The following PDE10A variants were observed in gnomAD, a reference collection of about 807,000 sequenced individuals.
PDE10A encodes the protein phosphodiesterase 10A.
A neutral mutation model predicts 97.7 loss-of-function variants in PDE10A; 39 were observed. The observed-to-expected ratio is 0.40, with a 90% CI of 0.31 to 0.52. The LOEUF (loss-of-function observed/expected upper bound fraction) is 0.52. PDE10A is among the 20% of genes least tolerant of loss of function. The probability of loss-of-function intolerance (pLI) is 0.56; values close to 1 mark genes in which losing one functional copy is unlikely to be tolerated. For missense variants in PDE10A, 731 were observed against 1,047.8 expected, an observed-to-expected ratio of 0.70 and a Z score of 4.17; for synonymous variants, 371 against 376.8, an observed-to-expected ratio of 0.98 and a Z score of 0.18.
At chr6:165,549,379 C>T (rs917423038) in intron 1 of PDE10A, among the ~76,000 whole-genome samples, 2 of 152,160 alleles carry the variant, frequency 1.3e-5, no homozygotes, top group Non-Finnish European at 2.9e-5. Context: ...GGCTGGAGTG[C>T]AGTGGCGTGA....
chr6:165,357,737 A>G (rs1296875919), intron 18 of PDE10A, among the ~76,000 whole-genome samples: 2 of 119,312 alleles, frequency 1.7e-5, no homozygotes, highest in African/African-American at 7.8e-5. Context: ...ATTGGTGTTA[A>G]TATTTTCTTT....
chr6:165,355,574 ATG>A (rs1158963416), intron 18 of PDE10A, among the ~76,000 whole-genome samples: 1 of 152,184 alleles, frequency 6.6e-6, no homozygotes, highest in Non-Finnish European at 1.5e-5. Context: ...CATTGTTTAA[ATG>A]TCCAAAGTTG....
intron 1 of PDE10A, among the ~76,000 whole-genome samples, chr6:165,574,007 G>A (rs1785181771): frequency 6.6e-6 from 1 of 152,232 alleles, no homozygotes. Flanking sequence ...CTGGAGGAAG[G>A]AAGGTGTTTG....
chr6:165,461,223 T>C (rs1778308328), intron 3 of PDE10A, among the ~76,000 whole-genome samples: 1 of 152,222 alleles, frequency 6.6e-6, no homozygotes, highest in Non-Finnish European at 1.5e-5. Flanking sequence ...AGGACTGCCT[T>C]CTCCTGCTAC....
chr6:165,698,328 T>C (rs7760328), intron 1 of PDE10A, among the ~76,000 whole-genome samples: 89,366 of 151,854 alleles, frequency 0.59, 26,551 homozygotes, highest in South Asian at 0.72. Flanking sequence ...TAATCCTTTT[T>C]CTAGTTATAA....
intron 1 of PDE10A, among the ~76,000 whole-genome samples, chr6:165,891,939 A>T (rs1428951826): frequency 8.7e-6 from 1 of 115,284 alleles, no homozygotes; most frequent in Admixed American, 1.0e-4. Flanking sequence ...GTATGGAGAA[A>T]ACACCTTGGA....
intron 1 of PDE10A, among the ~76,000 whole-genome samples, chr6:165,875,745 TTTG>T (rs1168167934): frequency 9.9e-5 from 15 of 150,766 alleles, no homozygotes; most frequent in African/African-American, 3.7e-4. Context: ...TTTTTTTTTT[TTTG>T]TGTGTGTGTG....
rs1785326968 is a variant in PDE10A, at chr6:165,386,736, C to T, written c.2610+1562G>A. On this transcript the variant is annotated intron_variant, in intron 17 of 21. Coordinates refer to ENST00000539869, the MANE Select transcript of PDE10A (RefSeq NM_001385079.1). The stretch of plus-strand genomic sequence containing the variant: ...CTATGTATGCAGCCAGGCGCGGTGG[C>T]TCACGCCTGTAATCCCAGCACTTTG... 3.3e-5 allele frequency among the ~76,000 whole-genome samples: 5 copies of T among 151,934 alleles called. No individual in the cohort carries two copies. In the South Asian group the frequency reaches 1.0e-3, roughly 32 times the overall value.
At chr6:165,683,590 G>T (rs4235951) in intron 1 of PDE10A, among the ~76,000 whole-genome samples, 1 of 152,064 alleles carries the variant, frequency 6.6e-6, no homozygotes, top group African/African-American at 2.4e-5. Flanking sequence ...ATTAAGTGCC[G>T]TGTTTTATCA....
At chr6:165,731,994 T>C (rs1322357537) in intron 1 of PDE10A, among the ~76,000 whole-genome samples, 1 of 152,200 alleles carries the variant, frequency 6.6e-6, no homozygotes, top group Non-Finnish European at 1.5e-5. Context: ...CGTTCTTTTA[T>C]AAGAAAATTA....
At chr6:165,558,468 G>C (rs960719825) in intron 1 of PDE10A, among the ~76,000 whole-genome samples, 1 of 152,000 alleles carries the variant, frequency 6.6e-6, no homozygotes, top group African/African-American at 2.4e-5. Context: ...GTTGGGGGAC[G>C]GGGGAGGGAT....
At chr6:165,555,010 CAG>C (rs2128332812) in intron 1 of PDE10A, among the ~76,000 whole-genome samples, 1 of 152,038 alleles carries the variant, frequency 6.6e-6, no homozygotes, top group Admixed American at 6.5e-5. Context: ...GGATGATTAC[CAG>C]AGAGGCTAGG....
chr6:165,899,694 C>T (rs1370917864), intron 1 of PDE10A, among the ~76,000 whole-genome samples: 6 of 152,186 alleles, frequency 3.9e-5, no homozygotes, highest in African/African-American at 7.2e-5. Context: ...CCTTGGCACC[C>T]GTGACCCGAA....
At chr6:165,358,698 G>A (rs1338737960) in intron 18 of PDE10A, among the ~76,000 whole-genome samples, 1 of 151,614 alleles carries the variant, frequency 6.6e-6, no homozygotes, top group Admixed American at 6.6e-5. Flanking sequence ...GTTTTATTAG[G>A]TTCAAATGTA....
At position 165,348,431 on chromosome 6, in the gene PDE10A, G is replaced by A. The variant is rs181457948; in HGVS notation, c.2784-4929C>T. Among the ~76,000 whole-genome samples, 228 of 152,218 alleles carry A rather than the reference G, an allele frequency of 1.5e-3. 1 individual carries two copies. Among genetic ancestry groups the A allele is most frequent in the African/African-American group, 5.1e-3 (212 of 41,516 alleles). ...TACCTGGTTCTATTTAGCCATAATG[G>A]GACCATGCTTGCTAATTTCAACAAA... On this transcript the variant is annotated intron_variant, in intron 18 of 21. Coordinates refer to ENST00000539869, the MANE Select transcript of PDE10A (RefSeq NM_001385079.1).
At chr6:165,337,444 G>A (rs1266107788) in intron 20 of PDE10A, among the ~76,000 whole-genome samples, 2 of 152,146 alleles carry the variant, frequency 1.3e-5, no homozygotes, top group South Asian at 2.1e-4. Flanking sequence ...AAAGTCTATC[G>A]TCATAGCACT....
At chr6:165,454,044 T>C (rs1777793263) in intron 3 of PDE10A, among the ~76,000 whole-genome samples, 1 of 152,220 alleles carries the variant, frequency 6.6e-6, no homozygotes, top group South Asian at 2.1e-4. Context: ...TCAAAGAAGA[T>C]TATTCTCCAG....
intron 1 of PDE10A, among the ~76,000 whole-genome samples, chr6:165,830,311 C>A (rs568094910): frequency 3.9e-5 from 6 of 152,346 alleles, no homozygotes; most frequent in Non-Finnish European, 8.8e-5. Flanking sequence ...CTTTCCTTTG[C>A]GTGGGAGCTG....
chr6:165,956,534 A>G (rs1437626603), intron 1 of PDE10A, among the ~76,000 whole-genome samples: 1 of 152,238 alleles, frequency 6.6e-6, no homozygotes, highest in Non-Finnish European at 1.5e-5. Context: ...ATCCCATAAT[A>G]TTCACCTGCA....
Sources: allele counts gnomAD v4.1 joint callset (sites outside exome capture counted in the v4.1 genomes callset), GRCh38; gene constraint gnomAD v4.1.1; transcripts MANE v1.5; gene names NCBI Gene and HGNC (gene_info 2026-07-23, HGNC 2026-07-21).